Variants in ASIC2 observed in about 807,000 individuals in gnomAD.
ASIC2 encodes acid-sensing ion channel 2.
A neutral mutation model predicts 57.3 loss-of-function variants in ASIC2; 25 were observed. The observed-to-expected ratio is 0.44, with a 90% CI of 0.32 to 0.61. The LOEUF is 0.61. Among genes scored for constraint, ASIC2 ranks in the 20% least tolerant of loss-of-function variants. The pLI, the probability that ASIC2 is intolerant of heterozygous loss-of-function variation, is 0.06. For missense variants in ASIC2, 641 were observed against 738.1 expected (o/e 0.87, Z 1.52); for synonymous variants, 319 against 307.5 (o/e 1.04, Z -0.39).
At chr17:33,179,901 G>T (rs1331575936) in intron 1 of ASIC2, among the ~76,000 whole-genome samples, 1 of 152,216 alleles carries the variant, frequency 6.6e-6, no homozygotes, top group Non-Finnish European at 1.5e-5. Context: ...TGATGCAGGG[G>T]TGCAGAAATG....
chr17:33,417,472 A>C (rs1910887999), intron 1 of ASIC2, among the ~76,000 whole-genome samples: 1 of 152,194 alleles, frequency 6.6e-6, no homozygotes, highest in Non-Finnish European at 1.5e-5. Context: ...CACAGAATAC[A>C]TTCATTGCTC....
rs1908991055 is a variant in ASIC2, at chr17:33,710,399, G to A, written c.555+445579C>T. 2.0e-5 allele frequency among the ~76,000 whole-genome samples: 3 copies of A among 152,192 alleles called. No individual in the cohort carries two copies. The East Asian group carries it at 5.8e-4, about 29-fold the overall frequency. ...AATCTTTGAAGTGCCGCAGGGAGCT[G>A]ACTGGATAATGGAGGAAACAGGTCC... On this transcript the variant is annotated intron_variant, in intron 1 of 9. Transcript: ENST00000359872.
chr17:33,494,705 T>A (rs1356111957), intron 1 of ASIC2, among the ~76,000 whole-genome samples: 1 of 152,190 alleles, frequency 6.6e-6, no homozygotes, highest in East Asian at 1.9e-4. Flanking sequence ...CCTGAAAACT[T>A]AAGCCTGTGA....
chr17:34,148,316 C>A (rs996410620), intron 1 of ASIC2, among the ~76,000 whole-genome samples: 1 of 152,164 alleles, frequency 6.6e-6, no homozygotes, highest in African/African-American at 2.4e-5. Context: ...TTCATCACAT[C>A]AGAAAGAATT....
At chr17:33,994,079 A>C (rs1176651958) in intron 1 of ASIC2, among the ~76,000 whole-genome samples, 2 of 152,100 alleles carry the variant, frequency 1.3e-5, no homozygotes, top group Non-Finnish European at 2.9e-5. Context: ...CTATCACCTT[A>C]GTTCTCCCCT....
chr17:33,876,142 T>A (rs963672806), intron 1 of ASIC2, among the ~76,000 whole-genome samples: 1 of 152,210 alleles, frequency 6.6e-6, no homozygotes, highest in East Asian at 1.9e-4. Context: ...CTTTGTTTCT[T>A]TGTACCTCTG....
intron 1 of ASIC2, among the ~76,000 whole-genome samples, chr17:33,640,160 G>C (rs2142032899): frequency 6.6e-6 from 1 of 152,146 alleles, no homozygotes; most frequent in African/African-American, 2.4e-5. Flanking sequence ...ACATAATAAA[G>C]ATCTAAGAAA....
chr17:33,840,538 A>G (rs12941870), intron 1 of ASIC2, among the ~76,000 whole-genome samples: 2,911 of 152,298 alleles, frequency 0.019, 102 homozygotes, highest in African/African-American at 0.067. Context: ...ATGGACCTTC[A>G]GTGCTGAGCT....
intron 1 of ASIC2, among the ~76,000 whole-genome samples, chr17:34,067,695 C>T (rs1055184363): frequency 6.6e-6 from 1 of 152,014 alleles, no homozygotes; most frequent in African/African-American, 2.4e-5. Flanking sequence ...TGGGGTATAC[C>T]CACACAATAG....
chr17:33,290,472 C>T (rs183499506), intron 1 of ASIC2, among the ~76,000 whole-genome samples: 53 of 152,364 alleles, frequency 3.5e-4, no homozygotes, highest in African/African-American at 1.3e-3. Context: ...CACCAGAACT[C>T]CTCCAAGGCA....
chr17:33,381,216 C>A (rs775398909), intron 1 of ASIC2, among the ~76,000 whole-genome samples: 1 of 152,220 alleles, frequency 6.6e-6, no homozygotes, highest in Non-Finnish European at 1.5e-5. Flanking sequence ...GAAACCAAAG[C>A]TAGCCGTGTT....
intron 1 of ASIC2, among the ~76,000 whole-genome samples, chr17:33,758,930 A>T (rs1910695077): frequency 6.6e-6 from 1 of 152,002 alleles, no homozygotes; most frequent in Non-Finnish European, 1.5e-5. Context: ...AAAAAAAAAA[A>T]AAAATGGTAT....
intron 1 of ASIC2, among the ~76,000 whole-genome samples, chr17:33,773,167 G>T (rs1911167151): frequency 6.6e-6 from 1 of 152,054 alleles, no homozygotes; most frequent in South Asian, 2.1e-4. Context: ...AGTTTAAACT[G>T]CATAGGGATT....
chr17:33,404,617 T>A (rs1910402987), intron 1 of ASIC2, among the ~76,000 whole-genome samples: 1 of 152,154 alleles, frequency 6.6e-6, no homozygotes, highest in Admixed American at 6.5e-5. Context: ...TCAGCTCCTG[T>A]CAAATGCATG....
chr17:33,572,209 C>T (rs913440897), intron 1 of ASIC2: 1 of 152,150 alleles, frequency 6.6e-6, no homozygotes, highest in African/African-American at 2.4e-5. Context: ...TGATATGGAA[C>T]CACTCACTCC....
In ASIC2 at chr17:34,152,983, C is replaced by T. The variant is rs1382625108; in HGVS notation, c.555+2995G>A. ...GTCCTAGTTGAGGGCTAAGAGTGTA[C>T]TTGCATGAGCATGAAGCACACCTGT... On this transcript the variant is annotated intron_variant, in intron 1 of 9. Transcript: ENST00000359872. 2.0e-5 allele frequency among the ~76,000 whole-genome samples: 3 copies of T among 152,188 alleles called. No individual in the cohort carries two copies. The East Asian group carries it at 5.8e-4, about 29-fold the overall frequency.
At chr17:33,134,983 G>A (rs1353705758) in intron 1 of ASIC2, among the ~76,000 whole-genome samples, 1 of 152,206 alleles carries the variant, frequency 6.6e-6, no homozygotes, top group Non-Finnish European at 1.5e-5. Flanking sequence ...CCCTGGAGGT[G>A]AGAGGGGGTC....
chr17:33,544,843 AT>A (rs367706564), intron 1 of ASIC2, among the ~76,000 whole-genome samples: 92 of 149,506 alleles, frequency 6.2e-4, no homozygotes, highest in African/African-American at 1.7e-3. Context: ...GAATCTTCTG[AT>A]TTTTTTTTTG....
At chr17:33,406,262 C>T (rs1385875303) in intron 1 of ASIC2, among the ~76,000 whole-genome samples, 2 of 152,216 alleles carry the variant, frequency 1.3e-5, no homozygotes, top group African/African-American at 4.8e-5. Context: ...GCAGAGCTCA[C>T]TTATGCATCA....
Sources: gnomAD v4.1 joint callset for allele counts (sites outside exome capture counted in the v4.1 genomes callset) on GRCh38, gnomAD v4.1.1 for gene constraint, MANE v1.5 for transcripts, NCBI Gene and HGNC (gene_info 2026-07-23, HGNC 2026-07-21) for gene names.